Variants in FGD4 observed in about 807,000 individuals in gnomAD.
FGD4 encodes FYVE, RhoGEF and PH domain containing 4.
A neutral mutation model predicts 102.0 loss-of-function variants in FGD4; 42 were observed. The ratio of observed to expected loss-of-function variants is 0.41; its 90% CI spans 0.32 to 0.53. The LOEUF (loss-of-function observed/expected upper bound fraction) is 0.53, where lower values mean the gene tolerates loss of function less well. Among genes scored for constraint, FGD4 ranks in the 20% least tolerant of loss-of-function variants. The pLI is 0.21. For missense variants in FGD4, 902 were observed against 1,078.2 expected, an observed-to-expected ratio of 0.84 and a Z score of 2.29; for synonymous variants, 380 against 375.7, an observed-to-expected ratio of 1.01 and a Z score of -0.13.
intron 1 of FGD4, among the ~76,000 whole-genome samples, chr12:32,464,449 G>A (rs140541700): frequency 1.6e-4 from 24 of 152,190 alleles, no homozygotes; most frequent in Admixed American, 8.5e-4. Flanking sequence ...CATTGCGCCC[G>A]GCCTAGTCAT....
intron 1 of FGD4, among the ~76,000 whole-genome samples, chr12:32,473,409 T>G (rs1943484995): frequency 6.6e-6 from 1 of 151,870 alleles, no homozygotes; most frequent in Admixed American, 6.6e-5. Flanking sequence ...AGGAGCCCAC[T>G]GGGGGGAAGG....
At chr12:32,415,524 G>A (rs1037885560) in intron 1 of FGD4, among the ~76,000 whole-genome samples, 8 of 145,128 alleles carry the variant, frequency 5.5e-5, no homozygotes, top group Non-Finnish European at 1.0e-4. Flanking sequence ...CTGGGTTCAC[G>A]CCATTCTCCT....
intron 1 of FGD4, among the ~76,000 whole-genome samples, chr12:32,493,877 C>T (rs537681071): frequency 3.9e-5 from 6 of 152,188 alleles, no homozygotes; most frequent in African/African-American, 1.2e-4. Flanking sequence ...CTCCTATTTT[C>T]GATAGGGTGG....
intron 1 of FGD4, among the ~76,000 whole-genome samples, chr12:32,437,772 C>T (rs1181278605): frequency 6.6e-6 from 1 of 152,168 alleles, no homozygotes; most frequent in Non-Finnish European, 1.5e-5. Context: ...TTTCATCTTA[C>T]CCTGCATACC....
At chr12:32,453,237 ATTTTTTTT>A (rs60006767) in intron 1 of FGD4, among the ~76,000 whole-genome samples, 2 of 90,548 alleles carry the variant, frequency 2.2e-5, no homozygotes, top group Admixed American at 1.4e-4. Flanking sequence ...ATATATATAT[ATTTTTTTT>A]TTTTTAAATG....
At chr12:32,526,638 C>T (rs980582347) in intron 1 of FGD4, among the ~76,000 whole-genome samples, 4 of 152,204 alleles carry the variant, frequency 2.6e-5, no homozygotes, top group Non-Finnish European at 4.4e-5. Context: ...CTGCTCAGGT[C>T]CCCTTCCACA....
At chr12:32,531,197 C>A (rs1180678875) in intron 1 of FGD4, among the ~76,000 whole-genome samples, 1 of 151,942 alleles carries the variant, frequency 6.6e-6, no homozygotes, top group East Asian at 1.9e-4. Flanking sequence ...GATCCGCCCG[C>A]CTCGGCCTCC....
At chr12:32,548,562 C>T (rs1427238988) in intron 1 of FGD4, among the ~76,000 whole-genome samples, 1 of 152,168 alleles carries the variant, frequency 6.6e-6, no homozygotes, top group Non-Finnish European at 1.5e-5. Context: ...GAACCAGTTC[C>T]TTTGGAGATT....
chr12:32,563,669 T>C (rs1334305718), intron 1 of FGD4, among the ~76,000 whole-genome samples: 6 of 152,102 alleles, frequency 3.9e-5, no homozygotes, highest in Non-Finnish European at 8.8e-5. Flanking sequence ...GTGGAGGTTG[T>C]AGCGAGCCGC....
intron 1 of FGD4, among the ~76,000 whole-genome samples, chr12:32,474,084 T>A (rs1189109769): frequency 4.1e-5 from 6 of 147,936 alleles, no homozygotes; most frequent in Non-Finnish European, 9.0e-5. Flanking sequence ...CGAGACTCTG[T>A]CTCAAAAAAA....
At chr12:32,599,248 A>C (rs905276854) in intron 5 of FGD4, among the ~76,000 whole-genome samples, 4 of 151,414 alleles carry the variant, frequency 2.6e-5, no homozygotes, top group African/African-American at 9.7e-5. Context: ...TAATCCCAGC[A>C]CTTTGGGAGG....
At position 32,413,301 on chromosome 12, in the gene FGD4, A is replaced by G. The variant is rs1244386749; in HGVS notation, c.166+13342A>G. Among the ~76,000 whole-genome samples, 4 of 151,962 alleles carry G rather than the reference A, an allele frequency of 2.6e-5. No individual in the cohort carries two copies. In the East Asian group the frequency reaches 7.7e-4, roughly 29 times the overall value. The stretch of plus-strand genomic sequence containing the variant: ...ATATAAAAAAAATTACCAAAAACCT[A>G]TTTATAGAAAAAAAAACTTTTAACA... On this transcript the variant is annotated intron_variant, in intron 1 of 16. Transcript: ENST00000534526.
chr12:32,502,467 G>A (rs1375447473), intron 1 of FGD4: 1 of 435,856 alleles, frequency 2.3e-6, no homozygotes, highest in East Asian at 1.6e-4. Context: ...CACTTCTCTT[G>A]TATTGATTTT....
At position 32,581,958 on chromosome 12, in the gene FGD4, A is replaced by C. The variant is rs1240797253; in HGVS notation, c.504-2A>C. On this transcript the variant is annotated splice_acceptor_variant, in intron 3 of 16. Coordinates refer to ENST00000534526, the MANE Select transcript of FGD4 (RefSeq NM_001370298.3). LOFTEE classifies it high-confidence loss of function. ...ATGCTTCCTTTGTATTTTATCTTTT[A>C]GCTCATTATCAAATTATAGTGATTT... 6.2e-7 allele frequency: 1 copy of C among 1,613,990 alleles called. No homozygotes were observed.
intron 1 of FGD4, among the ~76,000 whole-genome samples, chr12:32,479,786 C>CTTTTTTTTTT (rs559968024): frequency 9.4e-6 from 1 of 106,598 alleles, no homozygotes; most frequent in African/African-American, 3.3e-5. Flanking sequence ...AAGCATTATT[C>CTTTTTTTTTT]TTTTTTTTTT....
chr12:32,558,753 T>A (rs1267233211), intron 1 of FGD4, among the ~76,000 whole-genome samples: 1 of 152,234 alleles, frequency 6.6e-6, no homozygotes, highest in African/African-American at 2.4e-5. Context: ...TGGCAACCTC[T>A]GCAGTTGGAA....
intron 1 of FGD4, among the ~76,000 whole-genome samples, chr12:32,495,466 G>A (rs1386122038): frequency 6.6e-6 from 1 of 152,108 alleles, no homozygotes; most frequent in East Asian, 1.9e-4. Flanking sequence ...GGAGGCTGAG[G>A]CGGGCAGATC....
At chr12:32,426,587 T>A (rs999670266) in intron 1 of FGD4, among the ~76,000 whole-genome samples, 1 of 152,178 alleles carries the variant, frequency 6.6e-6, no homozygotes, top group Non-Finnish European at 1.5e-5. Context: ...ATAAAATGAG[T>A]TAGGGGGGAT....
chr12:32,399,671 G>A lies in FGD4; in HGVS notation c.-123G>A. 7.0e-7 allele frequency: 1 copy of A among 1,434,148 alleles called. No homozygotes were observed. Among genetic ancestry groups the A allele is most frequent in the Non-Finnish European group, 9.1e-7 (1 of 1,103,604 alleles). 88.8% of individuals were successfully genotyped at this position (1,434,148 alleles called of 1,614,324 possible). On this transcript the variant is annotated 5_prime_UTR_variant, in exon 1 of 17. Transcript: ENST00000534526. The stretch of plus-strand genomic sequence containing the variant: ...GAGAGGAGGCACTCGCTGAGGAGAC[G>A]CCGCAGTAGAGGGCGCCCCCGGAGT...
Sources: allele counts gnomAD v4.1 joint callset (sites outside exome capture counted in the v4.1 genomes callset), GRCh38; gene constraint gnomAD v4.1.1; transcripts MANE v1.5; gene names NCBI Gene and HGNC (gene_info 2026-07-23, HGNC 2026-07-21).